NKAIN3: variants seen among roughly 807,000 people sequenced by gnomAD.
NKAIN3 encodes the protein sodium/potassium transporting ATPase interacting 3.
In NKAIN3, 25 loss-of-function variants were observed where a neutral mutation model predicts 30.2. The observed-to-expected ratio is 0.83, with a 90% CI of 0.60 to 1.16. The LOEUF is 1.16. NKAIN3 is among the 50% of genes most tolerant of loss of function. NKAIN3 has a pLI of 0.00. For synonymous variants in NKAIN3, 91 were observed against 89.6 expected (o/e 1.02, Z -0.09); for missense variants, 225 against 254.1 (o/e 0.89, Z 0.78).
chr8:62,871,231 T>C (rs966728067), intron 4 of NKAIN3, among the ~76,000 whole-genome samples: 10 of 151,592 alleles, frequency 6.6e-5, no homozygotes, highest in Non-Finnish European at 1.2e-4. Flanking sequence ...TGAAACCCCA[T>C]CTCTACTAAA....
Position 62,543,088 on chromosome 8 carries a change from T to C in NKAIN3, c.55-36451T>C, listed in dbSNP as rs181246506. The stretch of plus-strand genomic sequence containing the variant: ...GCTAAATAACATTTAGAATGAATGT[T>C]TCTCTCAACATTCAGTCTCTTTGCG... On this transcript the variant is annotated intron_variant, in intron 1 of 6. Coordinates refer to ENST00000623646, the MANE Select transcript of NKAIN3 (RefSeq NM_001304533.3). Among the ~76,000 whole-genome samples, 49 of 152,268 alleles carry C rather than the reference T, an allele frequency of 3.2e-4. No individual in the cohort carries two copies. The East Asian group carries it at 4.3e-3, about 13-fold the overall frequency.
chr8:62,924,757 C>G (rs1372272844), intron 5 of NKAIN3, among the ~76,000 whole-genome samples: 1 of 152,148 alleles, frequency 6.6e-6, no homozygotes, highest in Non-Finnish European at 1.5e-5. Context: ...GAAGTTATTT[C>G]ACAGAGTTCT....
At chr8:62,335,483 A>G (rs1001020883) in intron 1 of NKAIN3, among the ~76,000 whole-genome samples, 27 of 151,608 alleles carry the variant, frequency 1.8e-4, no homozygotes, top group African/African-American at 6.5e-4. Flanking sequence ...ATCTTATTCC[A>G]TCAGAGCCCT....
intron 1 of NKAIN3, among the ~76,000 whole-genome samples, chr8:62,516,396 C>T (rs575308938): frequency 2.1e-4 from 32 of 152,026 alleles, no homozygotes; most frequent in Non-Finnish European, 4.1e-4. Flanking sequence ...CTGTGTTACA[C>T]CAGCAGCATG....
intron 1 of NKAIN3, among the ~76,000 whole-genome samples, chr8:62,285,966 T>G (rs1400513250): frequency 6.6e-6 from 1 of 152,214 alleles, no homozygotes; most frequent in Non-Finnish European, 1.5e-5. Flanking sequence ...TTCTTCCATT[T>G]ACTGTACTTG....
intron 4 of NKAIN3, among the ~76,000 whole-genome samples, chr8:62,850,147 C>T (rs1233033946): frequency 1.3e-5 from 2 of 152,084 alleles, no homozygotes; most frequent in African/African-American, 4.8e-5. Flanking sequence ...GATCGCCATT[C>T]TAACTGGTGT....
intron 3 of NKAIN3, among the ~76,000 whole-genome samples, chr8:62,626,184 T>TC (rs1811781895): frequency 6.6e-6 from 1 of 152,078 alleles, no homozygotes; most frequent in Non-Finnish European, 1.5e-5. Flanking sequence ...AGGAAGGGTA[T>TC]CCACTGATTC....
intron 3 of NKAIN3, among the ~76,000 whole-genome samples, chr8:62,595,208 A>T (rs1256460421): frequency 1.3e-5 from 2 of 151,966 alleles, no homozygotes; most frequent in African/African-American, 4.8e-5. Flanking sequence ...TACATCAATC[A>T]TGAATAGTTA....
chr8:62,870,633 T>C, intron 4 of NKAIN3, among the ~76,000 whole-genome samples: 1 of 82,006 alleles, frequency 1.2e-5, no homozygotes, highest in Non-Finnish European at 2.5e-5. Flanking sequence ...AAATAAACTC[T>C]ATTTTATATA....
chr8:62,916,281 C>T (rs890350404), intron 4 of NKAIN3, among the ~76,000 whole-genome samples: 39 of 151,986 alleles, frequency 2.6e-4, no homozygotes, highest in African/African-American at 4.8e-5. Context: ...TAATACATAG[C>T]AGTATATTTA....
intron 5 of NKAIN3, among the ~76,000 whole-genome samples, chr8:62,948,157 AAG>A (rs1823178470): frequency 6.6e-6 from 1 of 152,136 alleles, no homozygotes. Flanking sequence ...AAGAGGATGA[AAG>A]AGAGAGTTTT....
chr8:62,600,962 T>C (rs1034609960), intron 3 of NKAIN3, among the ~76,000 whole-genome samples: 11 of 152,064 alleles, frequency 7.2e-5, no homozygotes, highest in African/African-American at 2.7e-4. Flanking sequence ...TCCTTCAAGG[T>C]TGGATTCTTC....
Position 62,845,805 on chromosome 8 carries a change from G to A in NKAIN3, c.472-72648G>A, listed in dbSNP as rs182629520. On this transcript the variant is annotated intron_variant, in intron 4 of 6. Transcript: ENST00000623646. ...AAAAAAATGAGTGGCCTAGGGAAAA[G>A]ACAGGCTTTGTTCTGACCAATCCTT... Among the ~76,000 whole-genome samples the A allele has an allele frequency of 6.3e-3, 961 of 152,182 alleles. 10 individuals carry two copies. The highest frequency in any genetic ancestry group is 0.021 in the African/African-American group (886 of 41,544).
At chr8:62,388,911 G>C (rs1312477050) in intron 1 of NKAIN3, among the ~76,000 whole-genome samples, 1 of 152,192 alleles carries the variant, frequency 6.6e-6, no homozygotes, top group Non-Finnish European at 1.5e-5. Flanking sequence ...TGGGTCATCA[G>C]CTTTATTAAT....
chr8:62,879,156 C>T (rs200503184), intron 4 of NKAIN3, among the ~76,000 whole-genome samples: 1 of 151,980 alleles, frequency 6.6e-6, no homozygotes, highest in Non-Finnish European at 1.5e-5. Context: ...TATTTCTCCA[C>T]ATCCTCTCCA....
chr8:62,908,878 C>T (rs1821856305), intron 4 of NKAIN3, among the ~76,000 whole-genome samples: 1 of 152,128 alleles, frequency 6.6e-6, no homozygotes, highest in Admixed American at 6.5e-5. Context: ...AGCTTTAAGG[C>T]TTCAATGTTG....
At position 62,969,592 on chromosome 8, in the gene NKAIN3, A is replaced by G. The variant is rs1483463746; in HGVS notation, c.*4185A>G. ...GTAACTAGGATAAATTTCATAGTTG[A>G]TCAGAATGCAAATGTTCTAACTTGA... On this transcript the variant is annotated 3_prime_UTR_variant, in exon 7 of 7. Transcript: ENST00000623646. Among the ~76,000 whole-genome samples the G allele has an allele frequency of 6.6e-6, 1 of 152,184 alleles. No homozygotes were observed. Among genetic ancestry groups the G allele is most frequent in the Non-Finnish European group, 1.5e-5 (1 of 68,030 alleles).
intron 1 of NKAIN3, among the ~76,000 whole-genome samples, chr8:62,506,272 T>C (rs983271543): frequency 3.3e-5 from 5 of 151,414 alleles, no homozygotes; most frequent in African/African-American, 1.2e-4. Context: ...CTTACTGTCA[T>C]GTTCTAATTT....
At chr8:62,399,021 G>A (rs371864354) in intron 1 of NKAIN3, among the ~76,000 whole-genome samples, 22 of 152,176 alleles carry the variant, frequency 1.4e-4, no homozygotes, top group African/African-American at 4.8e-4. Flanking sequence ...AACCCGGAAG[G>A]CAGAGGTTGC....
Sources: allele counts gnomAD v4.1 joint callset (sites outside exome capture counted in the v4.1 genomes callset), GRCh38; gene constraint gnomAD v4.1.1; transcripts MANE v1.5; gene names NCBI Gene and HGNC (gene_info 2026-07-23, HGNC 2026-07-21).